The following CEP170B variants were observed in gnomAD, a reference collection of about 807,000 sequenced individuals.
CEP170B encodes the protein centrosomal protein of 170 kDa protein B.
Under a neutral mutation model 120.6 loss-of-function variants are expected in CEP170B, and 55 were observed. That is an observed-to-expected ratio of 0.46 (90% confidence interval 0.37 to 0.57). The LOEUF is 0.57. Ranked by LOEUF, CEP170B falls within the 20% of genes least tolerant of loss-of-function variation. The pLI is 0.00. For missense variants in CEP170B, 2,212 were observed against 2,253.3 expected, an observed-to-expected ratio of 0.98 and a Z score of 0.37; for synonymous variants, 1,033 against 954.5, an observed-to-expected ratio of 1.08 and a Z score of -1.52.
At chr14:104,872,696 T>C (rs1895638846) in intron 2 of CEP170B, among the ~76,000 whole-genome samples, 1 of 152,010 alleles carries the variant, frequency 6.6e-6, no homozygotes, top group Non-Finnish European at 1.5e-5. Context: ...GCCCCGTGCA[T>C]CGAGCCGGTC....
intron 4 of CEP170B, 41 bp downstream of exon 4, chr14:104,878,004 C>T: frequency 2.0e-6 from 3 of 1,518,176 alleles, no homozygotes; most frequent in East Asian, 2.3e-5. Context: ...GGCTTCTTCT[C>T]AGTCCCCAGG....
In CEP170B at chr14:104,891,708, C is replaced by T. The variant is rs1566874282; in HGVS notation, c.3879-1268C>T. Among the ~76,000 whole-genome samples, 1 of 151,880 alleles carries T rather than the reference C, an allele frequency of 6.6e-6. No homozygotes were observed. Among genetic ancestry groups the T allele is most frequent in the Non-Finnish European group, 1.5e-5 (1 of 67,958 alleles). On this transcript the variant is annotated intron_variant, in intron 13 of 18. Coordinates refer to ENST00000414716, the MANE Select transcript of CEP170B (RefSeq NM_001112726.3). This position sits in a 1 kb window ranked among gnomAD's most constrained non-coding sequence, Gnocchi z 4.3. The stretch of plus-strand genomic sequence containing the variant: ...TGAGAGCAGAAGGGGATGTGGGGGG[C>T]CCATGTGGGTTTCTGGAGTTCTCTG...
intron 16 of CEP170B, 26 bp downstream of exon 16, chr14:104,893,875 G>A (rs762447265): frequency 6.3e-7 from 1 of 1,591,438 alleles, no homozygotes; most frequent in African/African-American, 1.3e-5. Flanking sequence ...GGCTGAGGTG[G>A]ACGCCCAGAC....
Position 104,882,807 on chromosome 14 carries a change from C to T in CEP170B, c.552C>T (p.Ala184=), listed in dbSNP as rs1896226855. 1 of 1,612,194 alleles carries T rather than the reference C, an allele frequency of 6.2e-7. No individual in the cohort carries two copies. The highest frequency in any genetic ancestry group is 2.2e-5 in the East Asian group (1 of 44,838). The part of the protein sequence containing the change: ...GEDDGSTLPD[A]QRQGEPYPER... ...ACGATGGTAGCACGCTGCCTGACGC[C>T]CAGCGCCAGGGAGAGCCCTACCCAG... Residue 184 remains alanine, a synonymous_variant, in exon 7 of 19, where the codon GCC becomes GCT. Transcript: ENST00000414716.
In CEP170B at chr14:104,886,289, C is replaced by T. The variant is rs770119126; in HGVS notation, c.2050C>T (p.Arg684Cys). The T allele has an allele frequency of 6.9e-5, 107 of 1,542,118 alleles. No individual in the cohort carries two copies. Among genetic ancestry groups the T allele is most frequent in the East Asian group, 1.6e-4 (7 of 43,600 alleles). Residue 684 changes from arginine to cysteine, a missense_variant, in exon 12 of 19, where the codon CGT (arginine) becomes TGT (cysteine). Arg to Cys is a radical substitution (Grantham distance 180, BLOSUM62 -3). Around this residue, in one of 2 missense-constraint regions of CEP170B, gnomAD observed 2,166 missense variants for 2,166.7 expected, o/e 1.00. Transcript: ENST00000414716. ...GTGCTCCACAGAGGATGGCCTGGGA[C>T]GTAGAGGCGGGGAGCCGGAGGGGTC... is the stretch of plus-strand genomic sequence containing the variant. ...DPGLTEDGLG[R>C]RGGEPEGSLP...
intron 9 of CEP170B, 83 bp from the exon 10 acceptor site, chr14:104,885,286 G>A: frequency 5.6e-6 from 8 of 1,422,690 alleles, no homozygotes; most frequent in Non-Finnish European, 5.6e-6. Context: ...TCTCCCTGTG[G>A]CCTGGGGGTG....
rs1227293686 is a variant in CEP170B at position 104,886,562 on chromosome 14, G to A, written c.2323G>A (p.Glu775Lys). The A allele has an allele frequency of 6.6e-7, 1 of 1,510,432 alleles. No homozygotes were observed. The highest frequency in any genetic ancestry group is 2.3e-5 in the East Asian group (1 of 43,622). The allele number at this position is 1,510,432 out of a possible 1,614,324, so 93.6% of individuals were successfully genotyped here. ...PQDSRRRSPQ[E>K]GPTWSRGRRS... The stretch of plus-strand genomic sequence containing the variant: ...GGACAGCAGACGCAGGAGCCCCCAG[G>A]AGGGGCCCACGTGGAGCAGGGGTCG... Residue 775 changes from glutamate to lysine, a missense_variant, in exon 12 of 19, where the codon GAG becomes AAG. By Grantham distance (56) the Glu-to-Lys change is moderately conservative. Around this residue, in one of 2 missense-constraint regions of CEP170B, gnomAD observed 2,166 missense variants for 2,166.7 expected, o/e 1.00. Transcript: ENST00000414716.
chr14:104,883,666 C>T (rs930945924), intron 8 of CEP170B, among the ~76,000 whole-genome samples, 158 bp downstream of exon 8: 14 of 152,146 alleles, frequency 9.2e-5, no homozygotes, highest in South Asian at 2.1e-4. Flanking sequence ...GTCAGGAGTC[C>T]GGTCCTGCGT....
chr14:104,883,737 A>G (rs1896291349), intron 8 of CEP170B, 94 bp from the exon 9 acceptor site: 7 of 1,280,786 alleles, frequency 5.5e-6, no homozygotes, highest in Admixed American at 2.7e-5. Flanking sequence ...TGCTTTGTCA[A>G]CTCAGCTAAG....
intron 13 of CEP170B, among the ~76,000 whole-genome samples, chr14:104,892,315 G>A (rs1246629394): frequency 6.6e-6 from 1 of 152,126 alleles, no homozygotes; most frequent in Non-Finnish European, 1.5e-5. Flanking sequence ...CTGTTACCTC[G>A]GCAGGGTGGA....
rs1895951950 is a variant in CEP170B at position 104,877,957 on chromosome 14, G to A, written c.268G>A (p.Gly90Ser). 1 of 1,605,826 alleles carries A rather than the reference G, an allele frequency of 6.2e-7. No homozygotes were observed. The highest frequency in any genetic ancestry group is 1.3e-5 in the African/African-American group (1 of 74,298). ...GAAGCTCAACGATGTCATCCGCTTC[G>A]GCTACGATATCCTGCCCCTGAGCGT... Reference protein sequence around the residue: ...TLKLNDVIRFGYDSNMYVLER... With the variant: ...TLKLNDVIRFSYDSNMYVLER... The change falls in exon 4 of 19, where the codon GGC becomes AGC. Residue 90 changes from glycine (G) to serine (S), a missense_variant. Transcript: ENST00000414716.
In CEP170B at chr14:104,877,310, G is replaced by T. The variant is rs556126266; in HGVS notation, c.196-575G>T. ...GTCCCCGGGGTTGTTGGCCTGGGTT[G>T]CATGGCACCGTCCCAGTCCGTGCTC... On this transcript the variant is annotated intron_variant, in intron 3 of 18. Coordinates refer to ENST00000414716, the MANE Select transcript of CEP170B (RefSeq NM_001112726.3). Among the ~76,000 whole-genome samples the T allele has an allele frequency of 2.6e-5, 4 of 152,332 alleles. No homozygotes were observed. In the East Asian group the frequency reaches 7.7e-4, roughly 29 times the overall value.
At position 104,891,526 on chromosome 14, in the gene CEP170B, G is replaced by A. The variant is rs1896856428; in HGVS notation, c.3879-1450G>A. ...TTGGTGGGGAGGACCTGGGGGGCTT[G>A]GAAGGATGGGGACTGGGGACAGGGC... On this transcript the variant is annotated intron_variant, in intron 13 of 18. Coordinates refer to ENST00000414716, the MANE Select transcript of CEP170B (RefSeq NM_001112726.3). The surrounding 1 kb of genome is among the most constrained non-coding windows in gnomAD (Gnocchi z 4.3). 1.3e-5 allele frequency among the ~76,000 whole-genome samples: 2 copies of A among 152,110 alleles called. No individual in the cohort carries two copies. Among genetic ancestry groups the A allele is most frequent in the Admixed American group, 6.5e-5 (1 of 15,280 alleles).
At position 104,896,448 on chromosome 14, in the gene CEP170B, C is replaced by T; in HGVS notation, c.*1490C>T. ...TGCCCACCCCTGCATGCCCCAGTTG[C>T]CCACCCCGCCTGCCCCTGGACATGA... On this transcript the variant is annotated 3_prime_UTR_variant, in exon 19 of 19. Transcript: ENST00000414716. 2 of 395,110 alleles carry T rather than the reference C, an allele frequency of 5.1e-6. No homozygotes were observed. Among genetic ancestry groups the T allele is most frequent in the Non-Finnish European group, 1.0e-5 (2 of 194,954 alleles). 24.5% of individuals were successfully genotyped at this position (395,110 alleles called of 1,614,324 possible).
Position 104,889,601 on chromosome 14 carries a change from C to G in CEP170B, c.3740-19C>G. ...CCGCCACGGCTCCCCCAAACACACA[C>G]GCTCCCACACCTCAACAGCCACTCA... On this transcript the variant is annotated intron_variant, in intron 12 of 18. Coordinates refer to ENST00000414716, the MANE Select transcript of CEP170B (RefSeq NM_001112726.3). 2 of 1,608,878 alleles carry G rather than the reference C, an allele frequency of 1.2e-6. No homozygotes were observed. Among genetic ancestry groups the G allele is most frequent in the Non-Finnish European group, 8.5e-7 (1 of 1,179,702 alleles).
intron 13 of CEP170B, among the ~76,000 whole-genome samples, chr14:104,890,346 G>GTGGA (rs1280269852): frequency 0.041 from 2,936 of 71,106 alleles, 441 homozygotes; most frequent in African/African-American, 0.13. Flanking sequence ...GGATGAGTGT[G>GTGGA]TGGATGGATG....
Position 104,868,482 on chromosome 14 carries a change from G to C in CEP170B, c.32G>C (p.Ser11Thr). The C allele has an allele frequency of 6.5e-7, 1 of 1,549,262 alleles. No homozygotes were observed. The change falls in exon 2 of 19, where the codon AGC (serine) becomes ACC (threonine). Residue 11 changes from serine to threonine, a missense_variant. Physicochemically the swap from Ser to Thr is moderately conservative, Grantham distance 58. Around this residue, in one of 2 missense-constraint regions of CEP170B, gnomAD observed 46 missense variants for 86.6 expected, o/e 0.53. Transcript: ENST00000414716. The surrounding 1 kb of genome is among the most constrained non-coding windows in gnomAD (Gnocchi z 5.9). MSATSWFLVS[S>T]SGARHRLPRE... ...GCCACGTCCTGGTTCCTGGTGAGCA[G>C]CAGCGGCGCCCGCCACCGGCTCCCT...
chr14:104,880,561 CACCTACCCTTGCACAT>C, intron 6 of CEP170B, 136 bp downstream of exon 6: 1 of 1,316,134 alleles, frequency 7.6e-7, no homozygotes, highest in East Asian at 2.5e-5. Context: ...CCTTTGCACA[CACCTACCCTTGCACAT>C]GCACACCCCT....
In CEP170B at chr14:104,883,217, G is replaced by A. The variant is rs774731978; in HGVS notation, c.760G>A (p.Ala254Thr). 1.9e-5 allele frequency: 30 copies of A among 1,611,142 alleles called. No homozygotes were observed. The highest frequency in any genetic ancestry group is 2.5e-5 in the Non-Finnish European group (29 of 1,179,504). ...CGAGATGCCCACGAAGGATGCAGAG[G>A]CAGGTGGGGGCGGAGCGGCCCCTGT... ...AHEMPTKDAE[A>T]GGGGAAPVVQ... Residue 254 changes from alanine (A) to threonine (T), a missense_variant, in exon 8 of 19, where the codon GCA (alanine) becomes ACA (threonine). Coordinates refer to ENST00000414716, the MANE Select transcript of CEP170B (RefSeq NM_001112726.3).
Sources: allele counts gnomAD v4.1 joint callset (sites outside exome capture counted in the v4.1 genomes callset), GRCh38; gene constraint gnomAD v4.1.1; regional missense constraint gnomAD v4.1.1; non-coding constraint Gnocchi (gnomAD v3.1); transcripts MANE v1.5; gene names NCBI Gene and HGNC (gene_info 2026-07-23, HGNC 2026-07-21).